PRKN: variants seen among roughly 807,000 people sequenced by gnomAD.
PRKN encodes parkin RBR E3 ubiquitin protein ligase.
Under a neutral mutation model 59.5 loss-of-function variants are expected in PRKN, and 56 were observed. The ratio of observed to expected loss-of-function variants is 0.94; its 90% CI spans 0.76 to 1.18. The LOEUF (loss-of-function observed/expected upper bound fraction) is 1.18, where lower values mean the gene tolerates loss of function less well. Ranked by LOEUF, PRKN falls within the 50% of genes most tolerant of loss-of-function variation. The pLI is 0.00. For missense variants in PRKN, 657 were observed against 596.4 expected, an observed-to-expected ratio of 1.10 and a Z score of -1.06; for synonymous variants, 250 against 222.1, an observed-to-expected ratio of 1.13 and a Z score of -1.12.
At chr6:162,012,986 C>T (rs75157574) in intron 5 of PRKN, among the ~76,000 whole-genome samples, 2,270 of 152,140 alleles carry the variant, frequency 0.015, 28 homozygotes, top group Non-Finnish European at 0.026. Context: ...TTTTCTGGGG[C>T]GACAAGGCTA....
At position 161,428,587 on chromosome 6, in the gene PRKN, C is replaced by A. The variant is rs369775593; in HGVS notation, c.1084-41710G>T. Among the ~76,000 whole-genome samples the A allele has an allele frequency of 1.3e-5, 2 of 152,154 alleles. No homozygotes were observed. Among genetic ancestry groups the A allele is most frequent in the African/African-American group, 2.4e-5 (1 of 41,426 alleles). On this transcript the variant is annotated intron_variant, in intron 9 of 11. Transcript: ENST00000366898. This position sits in a 1 kb window ranked among gnomAD's most constrained non-coding sequence, Gnocchi z 4.0. ...ATTGTGGCTGCCTTTGATTGTTTGG[C>A]GGTTTGCTGTGTTCTCTGAGTGTTT... is the stretch of plus-strand genomic sequence containing the variant.
intron 2 of PRKN, among the ~76,000 whole-genome samples, chr6:162,359,079 AATAT>A (rs1554304695): frequency 5.9e-4 from 49 of 83,248 alleles, no homozygotes; most frequent in African/African-American, 2.8e-3. Flanking sequence ...AAAAAAAAAA[AATAT>A]ATATATATAT....
chr6:161,653,035 C>T (rs1440566749), intron 7 of PRKN, among the ~76,000 whole-genome samples: 1 of 152,318 alleles, frequency 6.6e-6, no homozygotes, highest in South Asian at 2.1e-4. Flanking sequence ...TTATCATGAG[C>T]AATACCTCTG....
rs771310483 is a variant in PRKN, at chr6:162,262,784, A to T, written c.172-19T>A. ...CACAATTCTGTTTGGGAGCAAGGTA[A>T]AAAAAAAAAAAAAAAAAAAGGAAAT... On this transcript the variant is annotated intron_variant, in intron 2 of 11. Coordinates refer to ENST00000366898, the MANE Select transcript of PRKN (RefSeq NM_004562.3). 425 of 301,416 alleles carry T rather than the reference A, an allele frequency of 1.4e-3. No homozygotes were observed. Among genetic ancestry groups the T allele is most frequent in the South Asian group, 5.7e-3 (142 of 24,980 alleles). 18.7% of individuals were successfully genotyped at this position (301,416 alleles called of 1,614,324 possible).
At chr6:161,932,842 A>G (rs1445742995) in intron 6 of PRKN, among the ~76,000 whole-genome samples, 1 of 152,214 alleles carries the variant, frequency 6.6e-6, no homozygotes, top group Non-Finnish European at 1.5e-5. Flanking sequence ...TTCAAGAACA[A>G]AGACTGGTTT....
chr6:162,727,572 C>T, intron 1 of PRKN, 90 bp downstream of exon 1: 1 of 1,370,606 alleles, frequency 7.3e-7, no homozygotes, highest in Admixed American at 2.0e-5. Flanking sequence ...CAGTTGGCAC[C>T]GGGGGTCCTG....
At position 161,445,298 on chromosome 6, in the gene PRKN, T is replaced by A. The variant is rs1789433288; in HGVS notation, c.1084-58421A>T. Among the ~76,000 whole-genome samples the A allele has an allele frequency of 6.6e-6, 1 of 152,056 alleles. No individual in the cohort carries two copies. The highest frequency in any genetic ancestry group is 1.9e-4 in the East Asian group (1 of 5,156). On this transcript the variant is annotated intron_variant, in intron 9 of 11. Coordinates refer to ENST00000366898, the MANE Select transcript of PRKN (RefSeq NM_004562.3). This position sits in a 1 kb window ranked among gnomAD's most constrained non-coding sequence, Gnocchi z 7.7. ...TAGACCGCATGTGACCTGCTGGTGC[T>A]CGGCACTGACCCAGGGGAGGAGGGC...
intron 2 of PRKN, among the ~76,000 whole-genome samples, chr6:162,338,909 A>C (rs1328773692): frequency 2.3e-5 from 3 of 127,720 alleles, no homozygotes; most frequent in South Asian, 2.8e-4. Context: ...CCGCCGCCCC[A>C]TCTGGGATGT....
chr6:161,883,703 G>A (rs912939902), intron 6 of PRKN, among the ~76,000 whole-genome samples: 8 of 151,722 alleles, frequency 5.3e-5, no homozygotes, highest in African/African-American at 1.2e-4. Flanking sequence ...AGGCCAGAGC[G>A]CAGTGGTGAG....
chr6:162,281,539 G>A (rs1430070747), intron 2 of PRKN, among the ~76,000 whole-genome samples: 1 of 152,046 alleles, frequency 6.6e-6, no homozygotes, highest in African/African-American at 2.4e-5. Context: ...CCTACACATA[G>A]CTTACAAACT....
chr6:161,360,301 G>GGCACTCCTGTCTTCA lies in PRKN; in HGVS notation c.1168-97_1168-96insTGAAGACAGGAGTGC. On this transcript the variant is annotated intron_variant, in intron 10 of 11. Transcript: ENST00000366898. This position sits in a 1 kb window ranked among gnomAD's most constrained non-coding sequence, Gnocchi z 5.1. Reference sequence around the variant, plus strand: ...TACGTCGGTACAGGAAATTCTTGAAGACAGGAGTGCCTTCGGGCAAGAAGC... The same window carrying GGCACTCCTGTCTTCA: ...TACGTCGGTACAGGAAATTCTTGAAGGCACTCCTGTCTTCAACAGGAGTGCCTTCGGGCAAGAAGC... The GGCACTCCTGTCTTCA allele has an allele frequency of 3.0e-6, 3 of 990,808 alleles. No homozygotes were observed. Among genetic ancestry groups the GGCACTCCTGTCTTCA allele is most frequent in the Non-Finnish European group, 4.9e-6 (3 of 612,834 alleles). The allele number at this position is 990,808 out of a possible 1,614,324, so 61.4% of individuals were successfully genotyped here. A position where few individuals can be genotyped will look rare whatever the true frequency, so the allele number is the denominator to read the frequency against.
rs142720837 is a variant in PRKN at position 161,551,461 on chromosome 6, G to A, written c.934-2458C>T. On this transcript the variant is annotated intron_variant, in intron 8 of 11. Transcript: ENST00000366898. This position sits in a 1 kb window ranked among gnomAD's most constrained non-coding sequence, Gnocchi z 5.2. The stretch of plus-strand genomic sequence containing the variant: ...GGAAGGTGAGAAAACACCAGCAAAG[G>A]AGACTAAGGAGCAGCAGCCTATGAG... Among the ~76,000 whole-genome samples, 1,201 of 152,290 alleles carry A rather than the reference G, an allele frequency of 7.9e-3. 25 individuals carry two copies. The highest frequency in any genetic ancestry group is 0.028 in the African/African-American group (1,154 of 41,550).
At chr6:161,577,330 C>T (rs1781170313) in intron 7 of PRKN, among the ~76,000 whole-genome samples, 1 of 152,166 alleles carries the variant, frequency 6.6e-6, no homozygotes, top group African/African-American at 2.4e-5. Flanking sequence ...GATTATGCTA[C>T]TTTAAATATC....
At chr6:161,742,329 C>G (rs748155104) in intron 7 of PRKN, among the ~76,000 whole-genome samples, 1 of 152,152 alleles carries the variant, frequency 6.6e-6, no homozygotes, top group Non-Finnish European at 1.5e-5. Flanking sequence ...ATGTAAGATG[C>G]GTCTTGCTTC....
At chr6:162,697,624 G>GGAAGCCTTTTGA (rs1352401068) in intron 1 of PRKN, among the ~76,000 whole-genome samples, 7 of 152,228 alleles carry the variant, frequency 4.6e-5, no homozygotes, top group African/African-American at 1.7e-4. Flanking sequence ...ATATGCTATG[G>GGAAGCCTTTTGA]CGTCAAAAGT....
chr6:162,149,201 ATTTAT>A, intron 4 of PRKN, among the ~76,000 whole-genome samples: 1 of 152,156 alleles, frequency 6.6e-6, no homozygotes, highest in East Asian at 1.9e-4. Flanking sequence ...TAAAATATTG[ATTTAT>A]TTTATTTATA....
intron 7 of PRKN, among the ~76,000 whole-genome samples, chr6:161,736,930 C>A (rs1320486903): frequency 6.6e-6 from 1 of 152,168 alleles, no homozygotes; most frequent in African/African-American, 2.4e-5. Flanking sequence ...TGAAGCTCAA[C>A]ACTGTGTAAA....
intron 4 of PRKN, among the ~76,000 whole-genome samples, chr6:162,187,558 C>A (rs1784083064): frequency 6.6e-6 from 1 of 152,108 alleles, no homozygotes; most frequent in African/African-American, 2.4e-5. Context: ...AAGTGCCCAG[C>A]CTAATGCAGG....
chr6:161,834,353 T>C (rs1749373617), intron 6 of PRKN, among the ~76,000 whole-genome samples: 1 of 152,028 alleles, frequency 6.6e-6, no homozygotes, highest in South Asian at 2.1e-4. Context: ...CTTAAACGGG[T>C]CAGGCTTCTA....
Sources: allele counts gnomAD v4.1 joint callset (sites outside exome capture counted in the v4.1 genomes callset), GRCh38; gene constraint gnomAD v4.1.1; non-coding constraint Gnocchi (gnomAD v3.1); transcripts MANE v1.5; gene names NCBI Gene and HGNC (gene_info 2026-07-23, HGNC 2026-07-21).